SKAP1: variants seen among roughly 807,000 people sequenced by gnomAD.
SKAP1 encodes src kinase associated phosphoprotein 1.
A neutral mutation model predicts 58.5 loss-of-function variants in SKAP1; 44 were observed. The ratio of observed to expected loss-of-function variants is 0.75; its 90% CI spans 0.59 to 0.97. The LOEUF (loss-of-function observed/expected upper bound fraction) is 0.97. Ranked by LOEUF, SKAP1 falls within the 50% of genes least tolerant of loss-of-function variation. SKAP1 has a pLI of 0.00. For synonymous variants in SKAP1, 127 were observed against 149.7 expected, an observed-to-expected ratio of 0.85 and a Z score of 1.11; for missense variants, 390 against 435.2, an observed-to-expected ratio of 0.90 and a Z score of 0.92.
chr17:48,231,460 T>C (rs1344366196), intron 4 of SKAP1, among the ~76,000 whole-genome samples: 1 of 151,956 alleles, frequency 6.6e-6, no homozygotes, highest in Non-Finnish European at 1.5e-5. Flanking sequence ...ACTTAACAAC[T>C]GGCATAGTTT....
intron 4 of SKAP1, among the ~76,000 whole-genome samples, chr17:48,274,791 C>A (rs974113298): frequency 1.3e-5 from 2 of 152,082 alleles, no homozygotes; most frequent in African/African-American, 4.8e-5. Context: ...ATTTTCCTGC[C>A]TCAGCCTCCT....
intron 4 of SKAP1, among the ~76,000 whole-genome samples, chr17:48,267,336 A>G (rs527418892): frequency 6.6e-6 from 1 of 152,340 alleles, no homozygotes; most frequent in Non-Finnish European, 1.5e-5. Flanking sequence ...TGTTCTCACA[A>G]TCAAAAAATA....
chr17:48,355,569 T>C (rs2066864654), intron 3 of SKAP1, among the ~76,000 whole-genome samples: 1 of 152,228 alleles, frequency 6.6e-6, no homozygotes. Flanking sequence ...TGACCCACCA[T>C]GACTGGCCAT....
chr17:48,324,929 C>G (rs1360693273), intron 4 of SKAP1, among the ~76,000 whole-genome samples: 1 of 152,042 alleles, frequency 6.6e-6, no homozygotes, highest in Non-Finnish European at 1.5e-5. Context: ...CAGCCTGATA[C>G]ATTTCTATTG....
At chr17:48,173,208 C>G (rs893088356) in intron 9 of SKAP1, among the ~76,000 whole-genome samples, 1 of 150,774 alleles carries the variant, frequency 6.6e-6, no homozygotes, top group Non-Finnish European at 1.5e-5. Context: ...AGGACGGATA[C>G]TCTGGGAAAT....
At chr17:48,186,348 AGGAT>A (rs2064451070) in intron 6 of SKAP1, among the ~76,000 whole-genome samples, 1 of 152,166 alleles carries the variant, frequency 6.6e-6, no homozygotes, top group Non-Finnish European at 1.5e-5. Context: ...TGAGGAATCT[AGGAT>A]GGTGAAAGGT....
intron 4 of SKAP1, chr17:48,232,032 C>G (rs1463464880): frequency 6.6e-6 from 1 of 152,260 alleles, no homozygotes; most frequent in Non-Finnish European, 1.5e-5. Context: ...ATCTCTCCTT[C>G]CTGGTATTCT....
the SKAP1 span, among the ~76,000 whole-genome samples, chr17:48,444,686 G>A: frequency 6.6e-6 from 1 of 152,198 alleles, no homozygotes; most frequent in African/African-American, 2.4e-5. Flanking sequence ...TAACTTCTCT[G>A]CACCACGCCC....
chr17:48,264,780 A>ACACACACACACC (rs1366653753), intron 4 of SKAP1, among the ~76,000 whole-genome samples: 3 of 150,394 alleles, frequency 2.0e-5, no homozygotes, highest in Non-Finnish European at 4.4e-5. Flanking sequence ...ACACACACAC[A>ACACACACACACC]CACCCTCCAT....
intron 2 of SKAP1, among the ~76,000 whole-genome samples, chr17:48,373,985 A>T (rs1393997900): frequency 3.9e-5 from 6 of 152,304 alleles, no homozygotes; most frequent in Middle Eastern, 3.4e-3. Flanking sequence ...CTCCTGCTGA[A>T]CAAAATCAAA....
intron 11 of SKAP1, 37 bp from the exon 12 acceptor site, chr17:48,137,374 T>C (rs74885375): frequency 0.17 from 240,056 of 1,412,488 alleles, 21,371 homozygotes; most frequent in Middle Eastern, 0.22. Context: ...AGTTAGAATT[T>C]GTTCATGCTT....
At chr17:48,442,908 A>C in the SKAP1 span, among the ~76,000 whole-genome samples, 1 of 152,096 alleles carries the variant, frequency 6.6e-6, no homozygotes, top group Non-Finnish European at 1.5e-5. Context: ...ACTTCCTCAC[A>C]ATGGCTAACA....
intron 7 of SKAP1, among the ~76,000 whole-genome samples, chr17:48,182,987 AATGAGAAC>A (rs2064390773): frequency 6.6e-6 from 1 of 152,186 alleles, no homozygotes; most frequent in Admixed American, 6.5e-5. Flanking sequence ...AAAGAACAGG[AATGAGAAC>A]ATGACTTACG....
At chr17:48,426,774 C>A (rs1249042629) in intron 1 of SKAP1, among the ~76,000 whole-genome samples, 1 of 151,726 alleles carries the variant, frequency 6.6e-6, no homozygotes, top group Non-Finnish European at 1.5e-5. Flanking sequence ...CAGAGTCTAT[C>A]TAAAGAAGCT....
intron 4 of SKAP1, among the ~76,000 whole-genome samples, chr17:48,190,392 G>T (rs952490571): frequency 1.3e-5 from 2 of 152,112 alleles, no homozygotes; most frequent in African/African-American, 4.8e-5. Flanking sequence ...GATTACAGGC[G>T]TGAGCCACTG....
At chr17:48,273,437 T>C (rs2065659681) in intron 4 of SKAP1, among the ~76,000 whole-genome samples, 1 of 144,788 alleles carries the variant, frequency 6.9e-6, no homozygotes, top group South Asian at 2.2e-4. Context: ...TTTTTTTTTC[T>C]TTTGAGATGG....
chr17:48,389,143 G>A (rs1374028874), intron 2 of SKAP1, among the ~76,000 whole-genome samples: 2 of 152,210 alleles, frequency 1.3e-5, no homozygotes, highest in African/African-American at 4.8e-5. Flanking sequence ...CACTACAAGT[G>A]GGGATTTTGT....
intron 4 of SKAP1, among the ~76,000 whole-genome samples, chr17:48,277,153 A>G (rs1229924817): frequency 6.6e-6 from 1 of 152,222 alleles, no homozygotes; most frequent in Non-Finnish European, 1.5e-5. Flanking sequence ...TACATTTTTC[A>G]AAAATTAAGA....
At chr17:48,250,272 GTTTTT>G (rs755523173) in intron 4 of SKAP1, among the ~76,000 whole-genome samples, 1 of 74,036 alleles carries the variant, frequency 1.4e-5, no homozygotes, top group Non-Finnish European at 2.6e-5. Flanking sequence ...GCCATAGACA[GTTTTT>G]TTTTTTTTTT....
Sources: gnomAD v4.1 joint callset for allele counts (sites outside exome capture counted in the v4.1 genomes callset) on GRCh38, gnomAD v4.1.1 for gene constraint, MANE v1.5 for transcripts, NCBI Gene and HGNC (gene_info 2026-07-23, HGNC 2026-07-21) for gene names.